The following MITF variants were observed in gnomAD, a reference collection of about 807,000 sequenced individuals.
The protein encoded by MITF is microphthalmia-associated transcription factor.
Under a neutral mutation model 60.5 loss-of-function variants are expected in MITF, and 17 were observed. The ratio of observed to expected loss-of-function variants is 0.28; its 90% confidence interval spans 0.19 to 0.42. The LOEUF (loss-of-function observed/expected upper bound fraction) is 0.42, where lower values mean the gene tolerates loss of function less well. Ranked by LOEUF, MITF falls within the 10% of genes least tolerant of loss-of-function variation. The pLI is 1.00. For missense variants in MITF, 622 were observed against 683.5 expected (o/e 0.91, Z 1.00); for synonymous variants, 260 against 248.5 (o/e 1.05, Z -0.43).
At chr3:69,793,472 G>A (rs1480985777) in intron 1 of MITF, among the ~76,000 whole-genome samples, 2 of 102,450 alleles carry the variant, frequency 2.0e-5, no homozygotes, top group South Asian at 3.2e-4. Flanking sequence ...AACACGTAGC[G>A]TCCCTGGCTT....
chr3:69,782,635 G>T (rs894270992), intron 1 of MITF, among the ~76,000 whole-genome samples: 5 of 152,152 alleles, frequency 3.3e-5, no homozygotes, highest in African/African-American at 1.2e-4. Flanking sequence ...TTTGCACATG[G>T]CAGTATTCTC....
At chr3:69,962,439 C>G (rs2066573664) in intron 9 of MITF, among the ~76,000 whole-genome samples, 1 of 152,156 alleles carries the variant, frequency 6.6e-6, no homozygotes, top group African/African-American at 2.4e-5. Flanking sequence ...CTGGCTTTTA[C>G]TCATATTGTA....
At chr3:69,851,693 ATTTTGAGG>A (rs1436495922) in intron 1 of MITF, among the ~76,000 whole-genome samples, 1 of 152,156 alleles carries the variant, frequency 6.6e-6, no homozygotes, top group African/African-American at 2.4e-5. Flanking sequence ...ACAAGAGAGT[ATTTTGAGG>A]TGATGGAACT....
At chr3:69,900,691 T>G (rs2064976682) in intron 2 of MITF, among the ~76,000 whole-genome samples, 1 of 152,152 alleles carries the variant, frequency 6.6e-6, no homozygotes, top group South Asian at 2.1e-4. Flanking sequence ...GAAGTTCTGC[T>G]TTGAATACTT....
chr3:69,866,490 C>A, intron 1 of MITF: 1 of 825,116 alleles, frequency 1.2e-6, no homozygotes. Flanking sequence ...TGGCTTTAAT[C>A]AGCTTCAGCT....
intron 1 of MITF, among the ~76,000 whole-genome samples, chr3:69,828,649 A>G (rs993388192): frequency 1.3e-5 from 2 of 152,096 alleles, no homozygotes; most frequent in Non-Finnish European, 2.9e-5. Flanking sequence ...GTATTTTGAT[A>G]TATAAAATGA....
intron 1 of MITF, among the ~76,000 whole-genome samples, chr3:69,786,443 A>G (rs113058996): frequency 3.9e-5 from 6 of 152,178 alleles, no homozygotes; most frequent in African/African-American, 1.4e-4. Context: ...TGTTCATATC[A>G]AATATCTAGA....
chr3:69,802,554 G>A (rs1286206078), intron 1 of MITF, among the ~76,000 whole-genome samples: 2 of 152,080 alleles, frequency 1.3e-5, no homozygotes, highest in Admixed American at 1.3e-4. Context: ...CAGGGAAACT[G>A]AGGTGATGTG....
intron 2 of MITF, chr3:69,936,464 TG>T (rs1168033389): frequency 3.3e-6 from 2 of 600,624 alleles, no homozygotes; most frequent in Non-Finnish European, 5.1e-6. Context: ...GGGGAAAAAT[TG>T]ATATCAACAT....
chr3:69,848,410 T>C (rs2063768002), intron 1 of MITF, among the ~76,000 whole-genome samples: 2 of 152,232 alleles, frequency 1.3e-5, no homozygotes, highest in African/African-American at 2.4e-5. Flanking sequence ...TTTGTGAATG[T>C]TCTGTCTATT....
intron 1 of MITF, among the ~76,000 whole-genome samples, chr3:69,818,557 C>T (rs1321288112): frequency 2.6e-5 from 4 of 152,128 alleles, no homozygotes; most frequent in South Asian, 2.1e-4. Flanking sequence ...TTCCAGTCTT[C>T]AATTTAAGCC....
At chr3:69,886,207 ACAGAGCTT>A (rs1328649928) in intron 2 of MITF, among the ~76,000 whole-genome samples, 1 of 152,104 alleles carries the variant, frequency 6.6e-6, no homozygotes, top group Non-Finnish European at 1.5e-5. Context: ...AATGTTTACT[ACAGAGCTT>A]CAATCCATAG....
chr3:69,907,329 A>T (rs1224329579), intron 2 of MITF, among the ~76,000 whole-genome samples: 1 of 152,132 alleles, frequency 6.6e-6, no homozygotes. Context: ...TGTGTGTCAA[A>T]CTGGTTGAAT....
intron 1 of MITF, among the ~76,000 whole-genome samples, chr3:69,756,666 G>A (rs765597070): frequency 4.2e-4 from 64 of 152,116 alleles, no homozygotes; most frequent in Non-Finnish European, 7.3e-4. Context: ...GGGATTGCTG[G>A]GTCAAATGGT....
chr3:69,913,974 C>G (rs1000069954), intron 2 of MITF, among the ~76,000 whole-genome samples: 1 of 152,172 alleles, frequency 6.6e-6, no homozygotes, highest in Non-Finnish European at 1.5e-5. Context: ...TAACAAAATG[C>G]TTATTCTCAG....
At chr3:69,807,083 C>G (rs1179758825) in intron 1 of MITF, among the ~76,000 whole-genome samples, 1 of 152,202 alleles carries the variant, frequency 6.6e-6, no homozygotes, top group Non-Finnish European at 1.5e-5. Context: ...TTTGCCTCTT[C>G]TTGGCTGGGG....
intron 1 of MITF, among the ~76,000 whole-genome samples, chr3:69,828,968 G>C (rs1025948276): frequency 6.8e-6 from 1 of 148,076 alleles, no homozygotes; most frequent in African/African-American, 2.5e-5. Context: ...GTGTGTGTGT[G>C]TTTTACTAAG....
intron 1 of MITF, among the ~76,000 whole-genome samples, chr3:69,805,466 G>GT (rs5849922): frequency 0.5 from 75,490 of 151,488 alleles, 20,594 homozygotes; most frequent in Non-Finnish European, 0.63. Context: ...GGTTTCTTGG[G>GT]TTTTTTTGCA....
chr3:69,857,200 G>T (rs1575827618), intron 1 of MITF, among the ~76,000 whole-genome samples: 1 of 151,962 alleles, frequency 6.6e-6, no homozygotes, highest in Non-Finnish European at 1.5e-5. Flanking sequence ...TCTAATTTTA[G>T]AATTAGTTTG....
Sources: allele counts gnomAD v4.1 joint callset (sites outside exome capture counted in the v4.1 genomes callset), GRCh38; gene constraint gnomAD v4.1.1; transcripts MANE v1.5; gene names NCBI Gene and HGNC (gene_info 2026-07-23, HGNC 2026-07-21).